The following ARHGAP39 variants were observed in gnomAD, a reference collection of about 807,000 sequenced individuals.
The protein encoded by ARHGAP39 is rho GTPase-activating protein 39.
In ARHGAP39, 44 loss-of-function variants were observed where a neutral mutation model predicts 106.9. That is an observed-to-expected ratio of 0.41 (90% CI 0.32 to 0.53). The LOEUF is 0.53. Among genes scored for constraint, ARHGAP39 ranks in the 20% least tolerant of loss-of-function variants. The pLI, the probability that ARHGAP39 is intolerant of heterozygous loss-of-function variation, is 0.21. For synonymous variants in ARHGAP39, 768 were observed against 693.2 expected (o/e 1.11, Z -1.69); for missense variants, 1,496 against 1,577.3 (o/e 0.95, Z 0.87).
At chr8:144,606,137 G>A (rs1820283761) in intron 1 of ARHGAP39, among the ~76,000 whole-genome samples, 2 of 152,240 alleles carry the variant, frequency 1.3e-5, no homozygotes, top group African/African-American at 2.4e-5. Flanking sequence ...GACACTCGCC[G>A]GCAGTCACTG....
Position 144,548,139 on chromosome 8 carries a change from G to T in ARHGAP39, c.947C>A (p.Pro316His). The change falls in exon 5 of 12, where the codon CCC becomes CAC. Residue 316 changes from proline to histidine, a missense_variant. Physicochemically the swap from Pro to His is moderately conservative, Grantham distance 77. This residue lies in a region of ARHGAP39 where 905 missense variants were observed against 816.4 expected (regional missense o/e 1.11). Transcript: ENST00000377307. This position sits in a 1 kb window ranked among gnomAD's most constrained non-coding sequence, Gnocchi z 7.4. ...YGYEPPLYEE[P>H]PVEYQAPIYD... ...GATGGGGGCCTGGTACTCCACTGGG[G>T]GCTCCTCGTAGAGCGGGGGTTCATA... The T allele has an allele frequency of 6.3e-7, 1 of 1,575,568 alleles. No homozygotes were observed. The highest frequency in any genetic ancestry group is 1.2e-5 in the South Asian group (1 of 85,748).
In ARHGAP39 at chr8:144,580,852, C is replaced by T; in HGVS notation, c.506G>A (p.Ser169Asn). 6.4e-7 allele frequency: 1 copy of T among 1,553,778 alleles called. No homozygotes were observed. Among genetic ancestry groups the T allele is most frequent in the African/African-American group, 1.4e-5 (1 of 73,598 alleles). ...CAGCTGCCCCCGCCCTCACCTGCCG[C>T]TGTCCTCCTTCACTGTCCCAAACGC... ...PAAFGTVKED[S>N]GSSSPPGVFL... is the part of the protein sequence containing the mutation. The change falls in exon 3 of 12, where the codon AGC becomes AAC. Residue 169 changes from serine (S) to asparagine (N), a missense_variant. Physicochemically the swap from Ser to Asn is conservative, Grantham distance 46. This residue lies in a region of ARHGAP39 where 905 missense variants were observed against 816.4 expected (regional missense o/e 1.11). Coordinates refer to ENST00000377307, the MANE Select transcript of ARHGAP39 (RefSeq NM_025251.3).
intron 1 of ARHGAP39, among the ~76,000 whole-genome samples, chr8:144,658,253 G>A (rs1048133055): frequency 1.3e-5 from 2 of 151,786 alleles, no homozygotes; most frequent in Non-Finnish European, 2.9e-5. Flanking sequence ...GGAATTACAG[G>A]TGTCCACCAC....
intron 1 of ARHGAP39, among the ~76,000 whole-genome samples, chr8:144,685,273 GGGGCACACCCACACCCACATTGGGGCC>G (rs1822554875): frequency 6.9e-6 from 1 of 145,886 alleles, no homozygotes; most frequent in African/African-American, 2.5e-5. Context: ...ACTCTGGACA[GGGGCACACCCACACCCACATTGGGGCC>G]GGGCACACTC....
At chr8:144,699,785 T>A in the ARHGAP39 span, among the ~76,000 whole-genome samples, 1 of 151,994 alleles carries the variant, frequency 6.6e-6, no homozygotes. Flanking sequence ...ATAAAATCCA[T>A]CAAGGTCCTC....
At chr8:144,613,370 G>A (rs548239237) in intron 1 of ARHGAP39, among the ~76,000 whole-genome samples, 2 of 152,192 alleles carry the variant, frequency 1.3e-5, no homozygotes, top group South Asian at 2.1e-4. Flanking sequence ...TAAAGCATCT[G>A]TAACATTTCT....
chr8:144,562,890 C>A (rs753606181), intron 3 of ARHGAP39, among the ~76,000 whole-genome samples: 1 of 152,232 alleles, frequency 6.6e-6, no homozygotes, highest in Non-Finnish European at 1.5e-5. Context: ...TGGTTTCCAT[C>A]GGACTCCAGT....
chr8:144,620,624 C>T (rs1279149075), intron 1 of ARHGAP39, among the ~76,000 whole-genome samples: 1 of 150,618 alleles, frequency 6.6e-6, no homozygotes, highest in Non-Finnish European at 1.5e-5. Context: ...TGAGTGCATG[C>T]CCACTGCTCA....
chr8:144,688,925 G>A (rs937452732), upstream of ARHGAP39, among the ~76,000 whole-genome samples: 9 of 152,056 alleles, frequency 5.9e-5, no homozygotes, highest in Non-Finnish European at 1.2e-4. Flanking sequence ...AAAATAGCAC[G>A]TCCAATTGTG....
intron 2 of ARHGAP39, among the ~76,000 whole-genome samples, chr8:144,598,941 C>T (rs1218225785): frequency 6.6e-6 from 1 of 152,096 alleles, no homozygotes; most frequent in Non-Finnish European, 1.5e-5. Context: ...AGAAAAAGAG[C>T]AAAAGATAAG....
chr8:144,620,272 T>A (rs1329851731), intron 1 of ARHGAP39, among the ~76,000 whole-genome samples: 1 of 134,542 alleles, frequency 7.4e-6, no homozygotes, highest in Non-Finnish European at 1.6e-5. Context: ...GGAGCGTGTG[T>A]GCCCGTGTCT....
rs1185692615 is a variant in ARHGAP39 at position 144,679,741 on chromosome 8, G to A, written c.-82+5945C>T. Among the ~76,000 whole-genome samples the A allele has an allele frequency of 2.0e-5, 3 of 152,206 alleles. No individual in the cohort carries two copies. The highest frequency in any genetic ancestry group is 1.9e-4 in the East Asian group (1 of 5,202). On this transcript the variant is annotated intron_variant, in intron 1 of 11. Transcript: ENST00000377307. The surrounding 1 kb of genome is among the most constrained non-coding windows in gnomAD (Gnocchi z 4.7). ...CACGCCTGTAATCCCAGCACTTTGG[G>A]AGGCCAAGGCGGGCGGATCACGAGG...
rs142355134 is a variant in ARHGAP39 at position 144,670,900 on chromosome 8, A to G, written c.-82+14786T>C. On this transcript the variant is annotated intron_variant, in intron 1 of 11. Transcript: ENST00000377307. This position sits in a 1 kb window ranked among gnomAD's most constrained non-coding sequence, Gnocchi z 4.4. The stretch of plus-strand genomic sequence containing the variant: ...GAGCACCACTGACCGGCACTCAGTT[A>G]TCCATGGAATGGATGACCAGAAAGG... Among the ~76,000 whole-genome samples the G allele has an allele frequency of 1.9e-3, 292 of 152,308 alleles. 1 individual carries two copies. Among genetic ancestry groups the G allele is most frequent in the Admixed American group, 4.3e-3 (65 of 15,290 alleles).
chr8:144,537,776 A>T lies in ARHGAP39; in HGVS notation c.2559T>A (p.Thr853=), dbSNP rs762776353. ...TCTTTCTCAATTTGGACTTCTTCTT[A>T]GTGTTTCTTTCCAGGAGCTCTTTTA... ...QHIKELLERN[T]KKKSKLRKKP... The change falls in exon 7 of 12, where the codon ACT becomes ACA. Residue 853 remains threonine (T), a synonymous_variant. Coordinates refer to ENST00000377307, the MANE Select transcript of ARHGAP39 (RefSeq NM_025251.3). 6.2e-6 allele frequency: 10 copies of T among 1,614,062 alleles called. No individual in the cohort carries two copies. The highest frequency in any genetic ancestry group is 8.5e-6 in the Non-Finnish European group (10 of 1,179,970).
chr8:144,539,251 G>A (rs773301843), intron 6 of ARHGAP39, among the ~76,000 whole-genome samples: 3 of 152,160 alleles, frequency 2.0e-5, no homozygotes, highest in Non-Finnish European at 4.4e-5. Context: ...AAATATTTCT[G>A]TATGTGGCCA....
chr8:144,676,974 T>G (rs1199827442), intron 1 of ARHGAP39, among the ~76,000 whole-genome samples: 2 of 152,274 alleles, frequency 1.3e-5, no homozygotes, highest in East Asian at 3.8e-4. Context: ...TTCACCATGT[T>G]GGTCAGGATG....
chr8:144,599,309 G>A (rs1420805055), intron 2 of ARHGAP39, among the ~76,000 whole-genome samples: 1 of 152,198 alleles, frequency 6.6e-6, no homozygotes, highest in African/African-American at 2.4e-5. Context: ...AGAGGCCCAG[G>A]AAGCTTTGAA....
intron 1 of ARHGAP39, among the ~76,000 whole-genome samples, chr8:144,654,443 G>C (rs1042528781): frequency 6.6e-6 from 1 of 152,196 alleles, no homozygotes; most frequent in African/African-American, 2.4e-5. Flanking sequence ...GGTGGAGGCT[G>C]CAGTGATCTG....
At chr8:144,678,981 C>G (rs917640973) in intron 1 of ARHGAP39, among the ~76,000 whole-genome samples, 1 of 151,898 alleles carries the variant, frequency 6.6e-6, no homozygotes, top group Non-Finnish European at 1.5e-5. Context: ...GGGGAACTGG[C>G]AAGAGGACCT....
Sources: gnomAD v4.1 joint callset for allele counts (sites outside exome capture counted in the v4.1 genomes callset) on GRCh38, gnomAD v4.1.1 for gene constraint, gnomAD v4.1.1 regional missense constraint, Gnocchi (gnomAD v3.1) non-coding constraint, MANE v1.5 for transcripts, NCBI Gene and HGNC (gene_info 2026-07-23, HGNC 2026-07-21) for gene names.